IL1RAPL1: variants seen among roughly 807,000 people sequenced by gnomAD.
The protein encoded by IL1RAPL1 is interleukin-1 receptor accessory protein-like 1.
IL1RAPL1 carries 3 observed loss-of-function variants against 48.4 expected under a neutral mutation model. That is an observed-to-expected ratio of 0.06 (90% CI 0.03 to 0.16). IL1RAPL1 has a LOEUF of 0.16. Among genes scored for constraint, IL1RAPL1 ranks in the 10% least tolerant of loss-of-function variants. The probability of loss-of-function intolerance (pLI) is 1.00; values close to 1 mark genes in which losing one functional copy is unlikely to be tolerated. For synonymous variants in IL1RAPL1, 185 were observed against 187.7 expected, an observed-to-expected ratio of 0.99 and a Z score of 0.12; for missense variants, 349 against 530.6, an observed-to-expected ratio of 0.66 and a Z score of 3.36.
chrX:29,013,225 G>A, intron 2 of IL1RAPL1, among the ~76,000 whole-genome samples: 1 of 109,035 alleles, frequency 9.2e-6, no homozygotes, highest in Non-Finnish European at 1.9e-5. Context: ...ATAGATGCTA[G>A]CAAGGTTATG....
intron 2 of IL1RAPL1, among the ~76,000 whole-genome samples, chrX:29,005,235 G>T (rs1489173748): frequency 8.9e-6 from 1 of 111,902 alleles, no homozygotes; most frequent in East Asian, 2.8e-4. Context: ...TGGTACGTTA[G>T]ATGTTTTTCA....
chrX:29,448,596 G>A (rs937911553), intron 5 of IL1RAPL1, among the ~76,000 whole-genome samples: 7 of 112,131 alleles, frequency 6.2e-5, no homozygotes, highest in African/African-American at 1.9e-4. Context: ...ATACGCAATG[G>A]GTGGTTGAGG....
chrX:28,613,505 G>A (rs750332193), intron 1 of IL1RAPL1, among the ~76,000 whole-genome samples: 9 of 112,972 alleles, frequency 8.0e-5, no homozygotes, highest in African/African-American at 2.2e-4. Context: ...TAAAAACATC[G>A]GTAGAAATTT....
chrX:29,698,143 A>G (rs1488235776), intron 6 of IL1RAPL1, among the ~76,000 whole-genome samples: 2 of 107,233 alleles, frequency 1.9e-5, no homozygotes, highest in Non-Finnish European at 3.8e-5. Context: ...AAGCTTTCAC[A>G]CATGGTCTTT....
intron 2 of IL1RAPL1, among the ~76,000 whole-genome samples, chrX:29,026,290 CTTCTG>C (rs1926484609): frequency 8.9e-6 from 1 of 112,218 alleles, no homozygotes; most frequent in Admixed American, 9.5e-5. Flanking sequence ...ACCATGATAA[CTTCTG>C]TTCTGTAACA....
chrX:29,915,097 C>T (rs762575253), intron 6 of IL1RAPL1, among the ~76,000 whole-genome samples: 7 of 111,756 alleles, frequency 6.3e-5, no homozygotes, highest in African/African-American at 2.0e-4. Flanking sequence ...AGTTCAAGAC[C>T]GGCCTGGCCA....
At chrX:28,660,086 G>GGTGTGTGTGTGTGTGTGT (rs60600833) in intron 1 of IL1RAPL1, among the ~76,000 whole-genome samples, 42 of 76,446 alleles carry the variant, frequency 5.5e-4, no homozygotes, top group East Asian at 2.6e-3. Context: ...GAGTGAGGAT[G>GGTGTGTGTGTGTGTGTGT]GTGTGTGTGT....
intron 1 of IL1RAPL1, among the ~76,000 whole-genome samples, chrX:28,664,522 T>C (rs1934854433): frequency 8.9e-6 from 1 of 111,843 alleles, no homozygotes; most frequent in South Asian, 3.7e-4. Flanking sequence ...TTAGTGAATT[T>C]CTTTTTTGAT....
At chrX:29,487,026 C>T (rs1006555632) in intron 5 of IL1RAPL1, among the ~76,000 whole-genome samples, 3 of 102,901 alleles carry the variant, frequency 2.9e-5, no homozygotes, top group African/African-American at 7.2e-5. Flanking sequence ...AATGCTGATT[C>T]GTAGACCACA....
chrX:28,620,897 C>T (rs150071794), intron 1 of IL1RAPL1, among the ~76,000 whole-genome samples: 1 of 111,981 alleles, frequency 8.9e-6, no homozygotes, highest in African/African-American at 3.2e-5. Flanking sequence ...ATATCACTCT[C>T]CTCTTTGCCT....
chrX:28,999,401 C>G (rs369521376), intron 2 of IL1RAPL1, among the ~76,000 whole-genome samples: 11 of 111,610 alleles, frequency 9.9e-5, no homozygotes, highest in African/African-American at 3.6e-4. Flanking sequence ...GTTCTATTCA[C>G]CCTGTCGTCT....
intron 5 of IL1RAPL1, among the ~76,000 whole-genome samples, chrX:29,545,505 A>G (rs1051986157): frequency 9.0e-6 from 1 of 111,492 alleles, no homozygotes; most frequent in Admixed American, 9.6e-5. Flanking sequence ...CTCCAGGTAA[A>G]GAGCCATTCC....
intron 2 of IL1RAPL1, among the ~76,000 whole-genome samples, chrX:29,194,626 G>A (rs1930409754): frequency 8.9e-6 from 1 of 112,085 alleles, no homozygotes; most frequent in Non-Finnish European, 1.9e-5. Context: ...TATTTAAAAC[G>A]AGATTTGGTC....
chrX:28,778,223 T>C (rs999645763), intron 1 of IL1RAPL1, among the ~76,000 whole-genome samples: 1 of 112,301 alleles, frequency 8.9e-6, no homozygotes, highest in African/African-American at 3.2e-5. Flanking sequence ...ATATTAGAGC[T>C]CTAATTGGCA....
chrX:29,376,546 A>AT (rs1292752534), intron 3 of IL1RAPL1, among the ~76,000 whole-genome samples: 8 of 108,721 alleles, frequency 7.4e-5, no homozygotes, highest in Admixed American at 5.9e-4. Context: ...CTTTTTTTGC[A>AT]TTTTTTTGTA....
At chrX:29,614,044 G>C (rs1238277270) in intron 5 of IL1RAPL1, among the ~76,000 whole-genome samples, 2 of 110,623 alleles carry the variant, frequency 1.8e-5, no homozygotes, top group Non-Finnish European at 3.8e-5. Context: ...TTACAGGCGT[G>C]AGCCACCGTG....
At chrX:29,484,010 A>T (rs963112742) in intron 5 of IL1RAPL1, among the ~76,000 whole-genome samples, 1 of 108,711 alleles carries the variant, frequency 9.2e-6, no homozygotes. Flanking sequence ...CCATTAAAAA[A>T]AAAAAAAAAA....
intron 5 of IL1RAPL1, among the ~76,000 whole-genome samples, chrX:29,658,007 A>C (rs1036683468): frequency 3.6e-5 from 4 of 111,483 alleles, no homozygotes; most frequent in African/African-American, 1.3e-4. Context: ...AGCATTAACT[A>C]TACACAAATT....
intron 5 of IL1RAPL1, among the ~76,000 whole-genome samples, chrX:29,570,400 AAAAG>A (rs1416233438): frequency 3.6e-5 from 4 of 112,592 alleles, no homozygotes; most frequent in Non-Finnish European, 1.9e-5. Context: ...CTTTCTTAGA[AAAAG>A]AACTGAATGT....
Sources: gnomAD v4.1 joint callset for allele counts (sites outside exome capture counted in the v4.1 genomes callset) on GRCh38, gnomAD v4.1.1 for gene constraint, MANE v1.5 for transcripts, NCBI Gene and HGNC (gene_info 2026-07-23, HGNC 2026-07-21) for gene names.